The following CRPPA variants were observed in gnomAD, a reference collection of about 807,000 sequenced individuals.
CRPPA encodes CDP-L-ribitol pyrophosphorylase A.
Under a neutral mutation model 52.0 loss-of-function variants are expected in CRPPA, and 43 were observed. The observed-to-expected ratio is 0.83, with a 90% CI of 0.65 to 1.07. The LOEUF (loss-of-function observed/expected upper bound fraction) is 1.07, where lower values mean the gene tolerates loss of function less well. Ranked by LOEUF, CRPPA falls within the 50% of genes least tolerant of loss-of-function variation. CRPPA has a pLI of 0.00. For missense variants in CRPPA, 629 were observed against 551.7 expected (o/e 1.14, Z -1.40); for synonymous variants, 250 against 203.5 (o/e 1.23, Z -1.94).
intron 5 of CRPPA, among the ~76,000 whole-genome samples, chr7:16,279,276 G>T (rs897938714): frequency 3.3e-5 from 5 of 152,108 alleles, no homozygotes; most frequent in Admixed American, 2.6e-4. Context: ...AGGGAGAATA[G>T]GTTATTGAAA....
intron 9 of CRPPA, among the ~76,000 whole-genome samples, chr7:16,093,958 C>A (rs1288373041): frequency 1.3e-5 from 2 of 152,014 alleles, no homozygotes; most frequent in Non-Finnish European, 2.9e-5. Context: ...CTCTATCACC[C>A]CGTTGAAACC....
chr7:16,351,520 G>A lies in CRPPA; in HGVS notation c.684+24572C>T, dbSNP rs555458939. ...ATTTACAATCTATCCATCTGACAAA[G>A]GTCAAATATCCAGAATATACAAGGA... On this transcript the variant is annotated intron_variant, in intron 3 of 9. Coordinates refer to ENST00000407010, the MANE Select transcript of CRPPA (RefSeq NM_001101426.4). Among the ~76,000 whole-genome samples the A allele has an allele frequency of 3.3e-5, 5 of 152,036 alleles. No individual in the cohort carries two copies. In the East Asian group the frequency reaches 9.7e-4, roughly 29 times the overall value.
intron 9 of CRPPA, among the ~76,000 whole-genome samples, chr7:16,138,806 G>T (rs1313281109): frequency 6.6e-6 from 1 of 151,980 alleles, no homozygotes; most frequent in Non-Finnish European, 1.5e-5. Context: ...TTGTCTGTTT[G>T]TTTGTTTGTT....
chr7:16,335,154 C>CA lies in CRPPA; in HGVS notation c.685-26528dup, dbSNP rs60632334. Among the ~76,000 whole-genome samples the CA allele has an allele frequency of 9.9e-3, 923 of 93,242 alleles. 1 individual carries two copies. Among genetic ancestry groups the CA allele is most frequent in the East Asian group, 0.015 (38 of 2,538 alleles). The allele number at this position is 93,242 out of a possible 152,430, so 61.2% of individuals were successfully genotyped here. ...GGCAACATAAAGAGACCCATCTCTA[C>CA]AAAAAAAAAAAAAAAAAAAAAAAAG... On this transcript the variant is annotated intron_variant, in intron 3 of 9. Transcript: ENST00000407010.
chr7:16,161,409 G>C (rs373029646), intron 9 of CRPPA, among the ~76,000 whole-genome samples: 2 of 152,230 alleles, frequency 1.3e-5, no homozygotes, highest in East Asian at 3.9e-4. Flanking sequence ...GTTGAATTTT[G>C]TCGAAGGCCT....
At chr7:16,213,329 A>G (rs1359860563) in intron 9 of CRPPA, among the ~76,000 whole-genome samples, 1 of 152,234 alleles carries the variant, frequency 6.6e-6, no homozygotes, top group African/African-American at 2.4e-5. Context: ...ATTTAAGATT[A>G]TACTTTAAAG....
intron 5 of CRPPA, among the ~76,000 whole-genome samples, chr7:16,287,782 C>T (rs144556602): frequency 2.6e-5 from 4 of 151,876 alleles, no homozygotes; most frequent in African/African-American, 9.7e-5. Flanking sequence ...ATTAGCTGAG[C>T]GTGGTGGTGT....
intron 9 of CRPPA, among the ~76,000 whole-genome samples, chr7:16,139,769 C>T (rs563702515): frequency 6.6e-6 from 1 of 152,094 alleles, no homozygotes; most frequent in East Asian, 1.9e-4. Context: ...TTGAATTACC[C>T]AGGCTCAACT....
intron 3 of CRPPA, among the ~76,000 whole-genome samples, chr7:16,375,166 T>C (rs1477061588): frequency 6.6e-6 from 1 of 152,202 alleles, no homozygotes; most frequent in Non-Finnish European, 1.5e-5. Flanking sequence ...TCAGCTTGTA[T>C]CTGATTCAGC....
At chr7:16,172,219 A>C (rs1427634738) in intron 9 of CRPPA, among the ~76,000 whole-genome samples, 1 of 152,202 alleles carries the variant, frequency 6.6e-6, no homozygotes, top group East Asian at 1.9e-4. Flanking sequence ...TCATACAAGA[A>C]GACTGAGCAA....
At position 16,406,315 on chromosome 7, in the gene CRPPA, CAAT is replaced by C. The variant is rs397515398; in HGVS notation, c.277_279del (p.Ile93del). ...ATGTTCTCTCCAGTTACTGCCACAA[CAAT>C]GTCCTTTATCCAACATACTCTAAAA... On this transcript the variant is annotated inframe_deletion, in exon 2 of 10. Transcript: ENST00000407010. 2.4e-5 allele frequency: 38 copies of C among 1,613,598 alleles called. No individual in the cohort carries two copies. The highest frequency in any genetic ancestry group is 5.3e-5 in the African/African-American group (4 of 74,902).
intron 5 of CRPPA, among the ~76,000 whole-genome samples, chr7:16,286,977 T>C (rs563226301): frequency 1.3e-5 from 2 of 152,314 alleles, no homozygotes; most frequent in African/African-American, 4.8e-5. Context: ...CAGTTCCTTA[T>C]AGCCAATAAT....
At chr7:16,364,196 G>C (rs1245670990) in intron 3 of CRPPA, among the ~76,000 whole-genome samples, 1 of 152,078 alleles carries the variant, frequency 6.6e-6, no homozygotes, top group Admixed American at 6.6e-5. Context: ...CATAAAATGT[G>C]AGCATCTGAG....
intron 9 of CRPPA, among the ~76,000 whole-genome samples, chr7:16,209,747 C>CA (rs1409336335): frequency 6.6e-6 from 1 of 152,140 alleles, no homozygotes; most frequent in Non-Finnish European, 1.5e-5. Flanking sequence ...TATATAAGAA[C>CA]ACGCTACTAA....
intron 3 of CRPPA, among the ~76,000 whole-genome samples, chr7:16,310,369 C>T (rs564560295): frequency 1.3e-5 from 2 of 152,230 alleles, no homozygotes; most frequent in South Asian, 2.1e-4. Context: ...ACAGTCAACA[C>T]GCCCCAAGTA....
chr7:16,271,830 A>G (rs907445141), intron 6 of CRPPA, among the ~76,000 whole-genome samples: 1 of 152,160 alleles, frequency 6.6e-6, no homozygotes, highest in Non-Finnish European at 1.5e-5. Flanking sequence ...CCCCAACTGG[A>G]CAATATGCTC....
intron 2 of CRPPA, among the ~76,000 whole-genome samples, chr7:16,384,551 T>G (rs761324176): frequency 6.6e-6 from 1 of 152,184 alleles, no homozygotes; most frequent in Non-Finnish European, 1.5e-5. Context: ...GAGTGTAGCT[T>G]AACAGCTAGG....
chr7:16,141,042 T>G (rs902400409), intron 9 of CRPPA, among the ~76,000 whole-genome samples: 4 of 152,326 alleles, frequency 2.6e-5, no homozygotes, highest in Admixed American at 1.3e-4. Flanking sequence ...AGATCTCGTT[T>G]CCTGTGTCTT....
intron 8 of CRPPA, among the ~76,000 whole-genome samples, chr7:16,258,067 A>G (rs966426989): frequency 1.3e-5 from 2 of 152,094 alleles, no homozygotes; most frequent in Non-Finnish European, 2.9e-5. Flanking sequence ...CTGATAATAT[A>G]TTAAATAAAG....
Sources: allele counts gnomAD v4.1 joint callset (sites outside exome capture counted in the v4.1 genomes callset), GRCh38; gene constraint gnomAD v4.1.1; transcripts MANE v1.5; gene names NCBI Gene and HGNC (gene_info 2026-07-23, HGNC 2026-07-21).